ANO2: variants seen among roughly 807,000 people sequenced by gnomAD.
ANO2 encodes the protein anoctamin 2.
A neutral mutation model predicts 124.2 loss-of-function variants in ANO2; 101 were observed. That is an observed-to-expected ratio of 0.81 (90% confidence interval 0.69 to 0.96). The LOEUF (loss-of-function observed/expected upper bound fraction) is 0.96, where lower values mean the gene tolerates loss of function less well. Among genes scored for constraint, ANO2 ranks in the 40% least tolerant of loss-of-function variants. The probability of loss-of-function intolerance (pLI) is 0.00; values close to 1 mark genes in which losing one functional copy is unlikely to be tolerated. For missense variants in ANO2, 1,293 were observed against 1,274.5 expected (o/e 1.01, Z -0.22); for synonymous variants, 486 against 482.5 (o/e 1.01, Z -0.09).
At chr12:5,936,226 T>G (rs1942648749) in intron 1 of ANO2, among the ~76,000 whole-genome samples, 1 of 152,178 alleles carries the variant, frequency 6.6e-6, no homozygotes, top group Non-Finnish European at 1.5e-5. Flanking sequence ...GAGAAGCACC[T>G]GCAACCAAAA....
intron 11 of ANO2, among the ~76,000 whole-genome samples, chr12:5,746,135 GACAGAAACCT>G (rs1389940421): frequency 3.3e-5 from 5 of 152,176 alleles, no homozygotes; most frequent in Non-Finnish European, 7.3e-5. Flanking sequence ...ACTGAGGAGA[GACAGAAACCT>G]AGTCAACTGA....
At chr12:5,779,558 G>T (rs1205976825) in intron 10 of ANO2, among the ~76,000 whole-genome samples, 1 of 152,122 alleles carries the variant, frequency 6.6e-6, no homozygotes, top group Non-Finnish European at 1.5e-5. Flanking sequence ...AATTCACATA[G>T]TCCCAAGGGC....
chr12:5,794,399 C>A (rs1952785243), intron 10 of ANO2, among the ~76,000 whole-genome samples: 1 of 152,186 alleles, frequency 6.6e-6, no homozygotes, highest in Admixed American at 6.5e-5. Context: ...CTCACCACTC[C>A]CAGTCAACAG....
chr12:5,796,608 C>T (rs1952869080), intron 10 of ANO2, among the ~76,000 whole-genome samples: 1 of 152,180 alleles, frequency 6.6e-6, no homozygotes, highest in Non-Finnish European at 1.5e-5. Flanking sequence ...GTCTCCAGAG[C>T]AGAGGCAGGA....
rs769532831 is a variant in ANO2, at chr12:5,827,789, G to A, written c.872C>T (p.Ser291Phe). ...VHEILKRTAC[S>F]RANNTMGINS... Reference sequence around the variant, plus strand: ...CTTACCCATCGTGTTGTTGGCTCGGGAGCAGGCTGTGCGCTTCAGGATCTC... The same window carrying A: ...CTTACCCATCGTGTTGTTGGCTCGGAAGCAGGCTGTGCGCTTCAGGATCTC... The change falls in exon 7 of 25, where the codon TCC becomes TTC. Residue 291 changes from serine (S) to phenylalanine (F), a missense_variant. Coordinates refer to ENST00000682330, the MANE Select transcript of ANO2 (RefSeq NM_001364791.2). 4 of 1,611,790 alleles carry A rather than the reference G, an allele frequency of 2.5e-6. No homozygotes were observed. Among genetic ancestry groups the A allele is most frequent in the South Asian group, 1.1e-5 (1 of 90,446 alleles).
chr12:5,796,125 T>A (rs781466486), intron 10 of ANO2, among the ~76,000 whole-genome samples: 2 of 151,766 alleles, frequency 1.3e-5, no homozygotes, highest in Non-Finnish European at 2.9e-5. Flanking sequence ...CAGAGAGCTC[T>A]CACACACACA....
chr12:5,906,578 C>T (rs997580240), intron 3 of ANO2, among the ~76,000 whole-genome samples: 9 of 151,948 alleles, frequency 5.9e-5, no homozygotes, highest in South Asian at 2.1e-4. Flanking sequence ...GGGCAGATCA[C>T]GAGGTCAAGA....
chr12:5,644,373 G>A (rs938760180), intron 15 of ANO2, among the ~76,000 whole-genome samples: 1 of 152,178 alleles, frequency 6.6e-6, no homozygotes, highest in African/African-American at 2.4e-5. Context: ...TCACAAGAAT[G>A]TAACATTATC....
chr12:5,944,441 A>G (rs2136330248), intron 1 of ANO2, among the ~76,000 whole-genome samples: 1 of 152,304 alleles, frequency 6.6e-6, no homozygotes, highest in East Asian at 1.9e-4. Context: ...CACTCAGCTC[A>G]TTGTTCATGC....
At chr12:5,729,483 G>A (rs1234765858) in intron 14 of ANO2, among the ~76,000 whole-genome samples, 1 of 152,118 alleles carries the variant, frequency 6.6e-6, no homozygotes, top group Admixed American at 6.6e-5. Context: ...CCACTGGGAT[G>A]GATAAAATGT....
intron 13 of ANO2, among the ~76,000 whole-genome samples, chr12:5,735,596 A>C (rs530486051): frequency 6.6e-6 from 1 of 152,224 alleles, no homozygotes; most frequent in Non-Finnish European, 1.5e-5. Context: ...TAGCAGAAGA[A>C]ATAAAGCAGA....
At chr12:5,850,415 C>CAAAAAA (rs11307572) in intron 4 of ANO2, among the ~76,000 whole-genome samples, 1 of 100,198 alleles carries the variant, frequency 1.0e-5, no homozygotes, top group Non-Finnish European at 2.0e-5. Context: ...CACTCCATCT[C>CAAAAAA]AAAAAAAAAA....
chr12:5,667,080 G>A (rs909840351), intron 14 of ANO2, among the ~76,000 whole-genome samples: 33 of 152,116 alleles, frequency 2.2e-4, no homozygotes, highest in Admixed American at 1.4e-3. Flanking sequence ...CTGGCTTGAT[G>A]GAAGGAGGAC....
intron 16 of ANO2, among the ~76,000 whole-genome samples, chr12:5,619,505 C>A (rs575902725): frequency 1.3e-5 from 2 of 152,178 alleles, no homozygotes; most frequent in Admixed American, 6.5e-5. Context: ...GCTCATCACA[C>A]GCATTCCCTC....
At chr12:5,803,414 T>A (rs753649182) in intron 9 of ANO2, among the ~76,000 whole-genome samples, 9 of 152,078 alleles carry the variant, frequency 5.9e-5, no homozygotes, top group Non-Finnish European at 1.2e-4. Context: ...TTACTAACTA[T>A]CCACTAGGGA....
chr12:5,703,415 G>A (rs534000880), intron 14 of ANO2, among the ~76,000 whole-genome samples: 4 of 152,232 alleles, frequency 2.6e-5, no homozygotes, highest in South Asian at 2.1e-4. Context: ...AGTAAGGGGC[G>A]CCCACATGCT....
Position 5,570,430 on chromosome 12 carries a change from A to G in ANO2, c.2622-4767T>C, listed in dbSNP as rs567235273. 4.6e-5 allele frequency among the ~76,000 whole-genome samples: 7 copies of G among 151,856 alleles called. No individual in the cohort carries two copies. The East Asian group carries it at 1.4e-3, about 29-fold the overall frequency. ...TTAGAATTTTTGTAGAACTAGATTA[A>G]TAAATGACATGTCATTAAACCTGAA... On this transcript the variant is annotated intron_variant, in intron 23 of 24. Transcript: ENST00000682330.
chr12:5,644,167 C>A (rs1946521266), intron 15 of ANO2, among the ~76,000 whole-genome samples: 1 of 152,160 alleles, frequency 6.6e-6, no homozygotes, highest in Non-Finnish European at 1.5e-5. Context: ...CACAGTCCCT[C>A]TTTAAAATAC....
At chr12:5,861,517 G>A (rs181483083) in intron 3 of ANO2, among the ~76,000 whole-genome samples, 155 of 152,286 alleles carry the variant, frequency 1.0e-3, no homozygotes, top group African/African-American at 2.2e-3. Flanking sequence ...AATAGTGAGC[G>A]GGAGGCAGCC....
Sources: allele counts gnomAD v4.1 joint callset (sites outside exome capture counted in the v4.1 genomes callset), GRCh38; gene constraint gnomAD v4.1.1; transcripts MANE v1.5; gene names NCBI Gene and HGNC (gene_info 2026-07-23, HGNC 2026-07-21).